The following MAGI3 variants were observed in gnomAD, a reference collection of about 807,000 sequenced individuals.
MAGI3 encodes membrane associated guanylate kinase, WW and PDZ domain containing 3, also known as membrane-associated guanylate kinase, WW and PDZ domain-containing protein 3.
MAGI3 carries 43 observed loss-of-function variants against 121.8 expected under a neutral mutation model. The observed-to-expected ratio is 0.35, with a 90% CI of 0.28 to 0.46. The LOEUF (loss-of-function observed/expected upper bound fraction) is 0.46. Ranked by LOEUF, MAGI3 falls within the 20% of genes least tolerant of loss-of-function variation. The probability of loss-of-function intolerance (pLI) is 1.00; values close to 1 mark genes in which losing one functional copy is unlikely to be tolerated. For synonymous variants in MAGI3, 553 were observed against 639.3 expected, an observed-to-expected ratio of 0.86 and a Z score of 2.04; for missense variants, 1,547 against 1,797.3, an observed-to-expected ratio of 0.86 and a Z score of 2.52.
chr1:113,562,571 C>G (rs1195123280), intron 2 of MAGI3, among the ~76,000 whole-genome samples: 1 of 152,160 alleles, frequency 6.6e-6, no homozygotes, highest in Non-Finnish European at 1.5e-5. Flanking sequence ...TAGAAAAAAA[C>G]TATTTTAAAA....
At chr1:113,489,716 A>G (rs1340075505) in intron 1 of MAGI3, among the ~76,000 whole-genome samples, 1 of 152,130 alleles carries the variant, frequency 6.6e-6, no homozygotes, top group African/African-American at 2.4e-5. Flanking sequence ...AACAGAGCTG[A>G]AAAACACACT....
intron 1 of MAGI3, among the ~76,000 whole-genome samples, chr1:113,523,522 G>A (rs1250000773): frequency 1.2e-4 from 18 of 152,142 alleles, no homozygotes; most frequent in Admixed American, 1.2e-3. Context: ...GGGAACTGGA[G>A]CAAAGGTGAC....
chr1:113,416,280 C>T (rs1370576038), intron 1 of MAGI3, among the ~76,000 whole-genome samples: 6 of 26,096 alleles, frequency 2.3e-4, no homozygotes, highest in African/African-American at 7.0e-4. Flanking sequence ...TAATTAATTA[C>T]ACATATTAAT....
In MAGI3 at chr1:113,440,933, C is replaced by T. The variant is rs1287417067; in HGVS notation, c.316+49584C>T. ...TGGCTTTACAGGCATTTTCTTATCT[C>T]ATTAGCTTAAGAATGCTTAAAAAAA... On this transcript the variant is annotated intron_variant, in intron 1 of 20. Coordinates refer to ENST00000307546, the MANE Select transcript of MAGI3 (RefSeq NM_001142782.2). 2.0e-5 allele frequency among the ~76,000 whole-genome samples: 3 copies of T among 152,104 alleles called. No individual in the cohort carries two copies. The East Asian group carries it at 5.8e-4, about 29-fold the overall frequency.
intron 1 of MAGI3, among the ~76,000 whole-genome samples, chr1:113,478,798 ATT>A (rs1655977550): frequency 6.6e-6 from 1 of 152,218 alleles, no homozygotes; most frequent in South Asian, 2.1e-4. Flanking sequence ...AGACAGGGAC[ATT>A]TAAGTCTGCA....
At position 113,517,104 on chromosome 1, in the gene MAGI3, C is replaced by A. The variant is rs1295789810; in HGVS notation, c.317-32411C>A. On this transcript the variant is annotated intron_variant, in intron 1 of 20. Coordinates refer to ENST00000307546, the MANE Select transcript of MAGI3 (RefSeq NM_001142782.2). ...TAAATGTAATGTGGTATTCTGGATG[C>A]GATCCTGGAAAAGGGGAAAAAAAAC... Among the ~76,000 whole-genome samples the A allele has an allele frequency of 1.3e-5, 2 of 151,512 alleles. 1 individual carries two copies. The highest frequency in any genetic ancestry group is 4.2e-4 in the South Asian group (2 of 4,792).
chr1:113,573,000 A>C (rs1213241013), intron 2 of MAGI3, among the ~76,000 whole-genome samples: 1 of 149,288 alleles, frequency 6.7e-6, no homozygotes, highest in African/African-American at 2.5e-5. Context: ...ATCTCGGCTC[A>C]CTGCAAGCTC....
chr1:113,626,065 A>C (rs1651219109), intron 9 of MAGI3, among the ~76,000 whole-genome samples: 1 of 152,138 alleles, frequency 6.6e-6, no homozygotes, highest in Admixed American at 6.5e-5. Context: ...TCCTGGGTTC[A>C]AGTGATTCTC....
At chr1:113,404,596 T>TA (rs1359854629) in intron 1 of MAGI3, 3 of 152,232 alleles carry the variant, frequency 2.0e-5, no homozygotes, top group Non-Finnish European at 2.9e-5. Context: ...TTTTCACTGT[T>TA]ATCACAGTTG....
intron 15 of MAGI3, 28 bp from the exon 16 acceptor site, chr1:113,659,052 G>C: frequency 1.3e-6 from 2 of 1,543,142 alleles, no homozygotes; most frequent in Non-Finnish European, 1.8e-6. Context: ...TTAAATAATT[G>C]AAAAACCTGG....
intron 1 of MAGI3, among the ~76,000 whole-genome samples, chr1:113,536,540 T>C (rs751116200): frequency 3.9e-5 from 6 of 152,172 alleles, no homozygotes; most frequent in Non-Finnish European, 7.4e-5. Flanking sequence ...CACTGAAATA[T>C]TGCTTGATGG....
rs1648461173 is a variant in MAGI3, at chr1:113,684,998, C to G, written c.*984C>G. Reference sequence around the variant, plus strand: ...TTATGTGAGGGACTTAATCATGAAACCAGTTTCACAGTCCAAGTACCAACT... The same window carrying G: ...TTATGTGAGGGACTTAATCATGAAAGCAGTTTCACAGTCCAAGTACCAACT... On this transcript the variant is annotated 3_prime_UTR_variant, in exon 21 of 21. Coordinates refer to ENST00000307546, the MANE Select transcript of MAGI3 (RefSeq NM_001142782.2). 1 of 152,298 alleles carries G rather than the reference C, an allele frequency of 6.6e-6. No individual in the cohort carries two copies. The highest frequency in any genetic ancestry group is 6.5e-5 in the Admixed American group (1 of 15,276). The allele number at this position is 152,298 out of a possible 1,614,324, so 9.4% of individuals were successfully genotyped here.
At chr1:113,396,146 C>T (rs1557733581) in intron 1 of MAGI3, among the ~76,000 whole-genome samples, 1 of 152,060 alleles carries the variant, frequency 6.6e-6, no homozygotes, top group Non-Finnish European at 1.5e-5. Flanking sequence ...TAGTTTCATA[C>T]AGAGTCTTTA....
intron 2 of MAGI3, among the ~76,000 whole-genome samples, chr1:113,558,958 A>G (rs952922716): frequency 1.3e-5 from 2 of 152,228 alleles, no homozygotes; most frequent in Non-Finnish European, 2.9e-5. Context: ...CAAGCTTCAT[A>G]AGCAAAGGAG....
intron 1 of MAGI3, among the ~76,000 whole-genome samples, chr1:113,536,149 T>G (rs527936037): frequency 6.4e-5 from 5 of 78,180 alleles, no homozygotes; most frequent in Non-Finnish European, 9.2e-5. Flanking sequence ...CATGTGTTTT[T>G]TTTTTTTTTT....
At chr1:113,503,843 A>C (rs998365903) in intron 1 of MAGI3, among the ~76,000 whole-genome samples, 2 of 152,060 alleles carry the variant, frequency 1.3e-5, no homozygotes, top group African/African-American at 4.8e-5. Context: ...TGGAATGGTA[A>C]GGTCTAGAGA....
At chr1:113,392,623 A>G (rs1650886802) in intron 1 of MAGI3, among the ~76,000 whole-genome samples, 1 of 151,868 alleles carries the variant, frequency 6.6e-6, no homozygotes, top group Non-Finnish European at 1.5e-5. Flanking sequence ...CATAATTAAG[A>G]TTTTCTTTCT....
chr1:113,553,957 C>G (rs556892954), intron 2 of MAGI3, among the ~76,000 whole-genome samples: 1 of 152,140 alleles, frequency 6.6e-6, no homozygotes, highest in Non-Finnish European at 1.5e-5. Flanking sequence ...TGCAGTGAGC[C>G]GAGATCGTGC....
intron 1 of MAGI3, among the ~76,000 whole-genome samples, chr1:113,511,756 C>T (rs1657626133): frequency 6.6e-6 from 1 of 152,274 alleles, no homozygotes; most frequent in Non-Finnish European, 1.5e-5. Flanking sequence ...TTACAAATGA[C>T]TAGATAAATA....
Sources: allele counts gnomAD v4.1 joint callset (sites outside exome capture counted in the v4.1 genomes callset), GRCh38; gene constraint gnomAD v4.1.1; transcripts MANE v1.5; gene names NCBI Gene and HGNC (gene_info 2026-07-23, HGNC 2026-07-21).